The following CNOT1 variants were observed in gnomAD, a reference collection of about 807,000 sequenced individuals.
The protein encoded by CNOT1 is CCR4-associated factor 1.
In CNOT1, 15 loss-of-function variants were observed where a neutral mutation model predicts 273.8. That is an observed-to-expected ratio of 0.05 (90% CI 0.04 to 0.08). CNOT1 has a LOEUF of 0.08. CNOT1 is among the 10% of genes least tolerant of loss of function. The probability of loss-of-function intolerance (pLI) is 1.00; values close to 1 mark genes in which losing one functional copy is unlikely to be tolerated. For missense variants in CNOT1, 1,644 were observed against 2,912.2 expected (o/e 0.56, Z 10.02); for synonymous variants, 1,022 against 1,005.5 (o/e 1.02, Z -0.31).
intron 40 of CNOT1, 200 bp from the exon 41 acceptor site, chr16:58,532,595 T>C (rs1597406373): frequency 1.1e-6 from 1 of 915,460 alleles, no homozygotes; most frequent in East Asian, 2.8e-5. Context: ...GTGTGTTTCT[T>C]TGCATTTCAA....
chr16:58,561,709 C>T lies in CNOT1; in HGVS notation c.1980-1347G>A, dbSNP rs570105116. The stretch of plus-strand genomic sequence containing the variant: ...AAAGGAAATGCTCATTGTAGCATTT[C>T]GGAGTTTGAATTTTGGAATTTGAGG... On this transcript the variant is annotated intron_variant, in intron 16 of 48. Transcript: ENST00000317147. 2.6e-3 allele frequency among the ~76,000 whole-genome samples: 399 copies of T among 152,174 alleles called. 2 individuals carry two copies. The highest frequency in any genetic ancestry group is 8.9e-3 in the African/African-American group (370 of 41,506).
At chr16:58,577,337 GGAAT>G (rs2041490856) in intron 13 of CNOT1, among the ~76,000 whole-genome samples, 1 of 152,186 alleles carries the variant, frequency 6.6e-6, no homozygotes, top group African/African-American at 2.4e-5. Flanking sequence ...TGGTGAGAAA[GGAAT>G]GAAGACCATC....
At chr16:58,551,933 G>A in intron 22 of CNOT1, 114 bp from the exon 23 acceptor site, 1 of 1,354,756 alleles carries the variant, frequency 7.4e-7, no homozygotes, top group Non-Finnish European at 1.0e-6. Flanking sequence ...GGTTCATCTA[G>A]CTCACATACT....
Position 58,542,125 on chromosome 16 carries a change from A to T in CNOT1, c.4680+106T>A, listed in dbSNP as rs2040112549. 3.7e-6 allele frequency: 5 copies of T among 1,344,008 alleles called. No homozygotes were observed. In the African/African-American group the frequency reaches 5.9e-5, roughly 16 times the overall value. 83.3% of individuals were successfully genotyped at this position (1,344,008 alleles called of 1,614,324 possible). A position where few individuals can be genotyped will look rare whatever the true frequency, so the allele number is the denominator to read the frequency against. The stretch of plus-strand genomic sequence containing the variant: ...ATCAAGTTAAGATGTTTTCTCATAA[A>T]CAATATTTAACCCTGCTGTCCTAAT... On this transcript the variant is annotated intron_variant, in intron 33 of 48. Coordinates refer to ENST00000317147, the MANE Select transcript of CNOT1 (RefSeq NM_016284.5).
intron 16 of CNOT1, among the ~76,000 whole-genome samples, chr16:58,571,260 T>C (rs2041262781): frequency 6.6e-6 from 1 of 152,130 alleles, no homozygotes; most frequent in Admixed American, 6.6e-5. Flanking sequence ...CCATCAGAAA[T>C]ATGTAACCAT....
intron 1 of CNOT1, among the ~76,000 whole-genome samples, chr16:58,607,480 C>T (rs1350265100): frequency 1.3e-5 from 2 of 152,118 alleles, no homozygotes; most frequent in Admixed American, 1.3e-4. Flanking sequence ...GCAATCCCAG[C>T]ACTTCGGGAG....
chr16:58,557,498 T>C (rs1192597753), intron 18 of CNOT1, among the ~76,000 whole-genome samples: 1 of 152,174 alleles, frequency 6.6e-6, no homozygotes, highest in East Asian at 1.9e-4. Flanking sequence ...GCTAGAAGCA[T>C]ACAGTAGCAA....
At chr16:58,572,925 A>G (rs1162879279) in intron 16 of CNOT1, among the ~76,000 whole-genome samples, 5 of 151,278 alleles carry the variant, frequency 3.3e-5, no homozygotes, top group African/African-American at 1.2e-4. Flanking sequence ...AAAAAAGAAA[A>G]AAAAATTAAG....
At chr16:58,614,348 C>T (rs1481180401) in intron 1 of CNOT1, among the ~76,000 whole-genome samples, 1 of 124,092 alleles carries the variant, frequency 8.1e-6, no homozygotes, top group African/African-American at 2.7e-5. Context: ...GTGACTCATT[C>T]GGCATAAACT....
chr16:58,570,610 C>T (rs561700405), intron 16 of CNOT1, among the ~76,000 whole-genome samples: 10 of 152,096 alleles, frequency 6.6e-5, no homozygotes, highest in Middle Eastern at 3.4e-3. Flanking sequence ...AGAATGAAAC[C>T]CTGTCTCAAA....
At chr16:58,557,027 A>G in intron 18 of CNOT1, 34 bp from the exon 19 acceptor site, 1 of 1,603,298 alleles carries the variant, frequency 6.2e-7, no homozygotes, top group South Asian at 1.1e-5. Context: ...AAATCCTATC[A>G]TTATTCATAT....
intron 14 of CNOT1, 26 bp downstream of exon 14, chr16:58,576,437 G>T: frequency 1.2e-6 from 2 of 1,613,530 alleles, no homozygotes; most frequent in Non-Finnish European, 1.7e-6. Context: ...AAATAAACTG[G>T]TGTCAGTCTG....
chr16:58,560,045 ATTG>A (rs1263415332), intron 17 of CNOT1, 164 bp downstream of exon 17: 29 of 1,485,108 alleles, frequency 2.0e-5, no homozygotes, highest in Non-Finnish European at 2.5e-5. Flanking sequence ...GATAAAATCT[ATTG>A]TTAACTACAA....
chr16:58,547,541 T>C lies in CNOT1; in HGVS notation c.3639+25A>G, dbSNP rs763337717. The stretch of plus-strand genomic sequence containing the variant: ...TCATAATGTGCTGAAGATTCTCAAT[T>C]TTTACACATTTAGATGAAACTCACA... On this transcript the variant is annotated intron_variant, in intron 26 of 48. Transcript: ENST00000317147. This position sits in a 1 kb window ranked among gnomAD's most constrained non-coding sequence, Gnocchi z 4.0. The C allele has an allele frequency of 1.3e-6, 2 of 1,592,682 alleles. No individual in the cohort carries two copies. Among genetic ancestry groups the C allele is most frequent in the South Asian group, 2.3e-5 (2 of 87,992 alleles).
At chr16:58,524,199 G>A (rs1381785690) in intron 46 of CNOT1, among the ~76,000 whole-genome samples, 4 of 138,280 alleles carry the variant, frequency 2.9e-5, no homozygotes, top group Non-Finnish European at 4.5e-5. Context: ...ATGGTGAGCC[G>A]ATATTGCGCC....
chr16:58,566,891 A>G (rs1401953823), intron 16 of CNOT1, among the ~76,000 whole-genome samples: 2 of 152,120 alleles, frequency 1.3e-5, no homozygotes, highest in East Asian at 3.9e-4. Context: ...TCGGCCTCCC[A>G]AAGTGCTGGG....
At chr16:58,624,998 G>C (rs1319056317) in intron 1 of CNOT1, among the ~76,000 whole-genome samples, 1 of 149,636 alleles carries the variant, frequency 6.7e-6, no homozygotes, top group South Asian at 2.1e-4. Flanking sequence ...CTGTAATCAC[G>C]GCACTCTGGG....
At position 58,551,139 on chromosome 16, in the gene CNOT1, G is replaced by A. The variant is rs1220027398; in HGVS notation, c.3335C>T (p.Thr1112Ile). 6 of 1,607,870 alleles carry A rather than the reference G, an allele frequency of 3.7e-6. No homozygotes were observed. In the South Asian group the frequency reaches 4.5e-5, roughly 12 times the overall value. The change falls in exon 24 of 49, where the codon ACA becomes ATA. Residue 1112 changes from threonine to isoleucine, a missense_variant. By Grantham distance (89) the Thr-to-Ile change is moderately conservative (BLOSUM62 -1). Around this residue, in one of 13 missense-constraint regions of CNOT1, gnomAD observed 124 missense variants for 289.3 expected, o/e 0.43. Transcript: ENST00000317147. ...IFNNLSQSNM[T>I]QKVEELKETV... ...CTATGACAGCATGCTCACCTTTTGTGTCATATTTGACTGTGAGAGATTATT... is the reference window on the plus strand; with the variant it reads ...CTATGACAGCATGCTCACCTTTTGTATCATATTTGACTGTGAGAGATTATT...
chr16:58,549,377 GA>G (rs1166778974), intron 25 of CNOT1, among the ~76,000 whole-genome samples: 1 of 145,894 alleles, frequency 6.9e-6, no homozygotes. Context: ...AAAAGTAAGT[GA>G]AAAAAAAAGA....
Sources: gnomAD v4.1 joint callset for allele counts (sites outside exome capture counted in the v4.1 genomes callset) on GRCh38, gnomAD v4.1.1 for gene constraint, gnomAD v4.1.1 regional missense constraint, Gnocchi (gnomAD v3.1) non-coding constraint, MANE v1.5 for transcripts, NCBI Gene and HGNC (gene_info 2026-07-23, HGNC 2026-07-21) for gene names.